PHTF2: variants seen among roughly 807,000 people sequenced by gnomAD.
The protein encoded by PHTF2 is protein PHTF2.
PHTF2 carries 60 observed loss-of-function variants against 101.2 expected under a neutral mutation model. The ratio of observed to expected loss-of-function variants is 0.59; its 90% CI spans 0.48 to 0.73. The LOEUF (loss-of-function observed/expected upper bound fraction) is 0.73, where lower values mean the gene tolerates loss of function less well. Ranked by LOEUF, PHTF2 falls within the 30% of genes least tolerant of loss-of-function variation. PHTF2 has a pLI of 0.00. For synonymous variants in PHTF2, 311 were observed against 307.3 expected, an observed-to-expected ratio of 1.01 and a Z score of -0.13; for missense variants, 747 against 908.7, an observed-to-expected ratio of 0.82 and a Z score of 2.29.
At chr7:77,903,768 C>T (rs1397743830) in intron 7 of PHTF2, among the ~76,000 whole-genome samples, 2 of 152,198 alleles carry the variant, frequency 1.3e-5, no homozygotes, top group African/African-American at 4.8e-5. Context: ...GGCAGGCTGC[C>T]ATTACCTTTG....
chr7:77,871,173 C>T (rs572288601), intron 3 of PHTF2, among the ~76,000 whole-genome samples: 20 of 152,130 alleles, frequency 1.3e-4, no homozygotes, highest in Non-Finnish European at 2.4e-4. Flanking sequence ...TGAATGGTCT[C>T]GGGGTCATTT....
intron 2 of PHTF2, among the ~76,000 whole-genome samples, chr7:77,848,753 G>A (rs1264616263): frequency 6.6e-6 from 1 of 152,046 alleles, no homozygotes; most frequent in African/African-American, 2.4e-5. Flanking sequence ...CCTGTGCTTT[G>A]GTAGTATTAC....
At chr7:77,804,351 G>A (rs1792803522) in intron 1 of PHTF2, among the ~76,000 whole-genome samples, 1 of 152,150 alleles carries the variant, frequency 6.6e-6, no homozygotes, top group Admixed American at 6.5e-5. Flanking sequence ...TTGATACGGA[G>A]TTTTGCTCTT....
chr7:77,837,401 C>T (rs180771788), intron 1 of PHTF2, among the ~76,000 whole-genome samples: 147 of 152,260 alleles, frequency 9.7e-4, no homozygotes, highest in African/African-American at 3.4e-3. Context: ...ATTATACCCA[C>T]GTGTAATTGG....
intron 1 of PHTF2, among the ~76,000 whole-genome samples, chr7:77,825,175 G>C (rs991724957): frequency 1.3e-5 from 2 of 151,824 alleles, no homozygotes; most frequent in African/African-American, 4.8e-5. Flanking sequence ...GAAATGGAAA[G>C]AAGCAGACAA....
At chr7:77,851,816 A>G (rs1796784987) in intron 2 of PHTF2, among the ~76,000 whole-genome samples, 1 of 151,802 alleles carries the variant, frequency 6.6e-6, no homozygotes, top group East Asian at 1.9e-4. Context: ...GAGTTTTTCA[A>G]CTTTTTTGAT....
Position 77,954,869 on chromosome 7 carries a change from TA to T in PHTF2, c.2351del (p.Lys784SerfsTer37). 1 of 1,517,726 alleles carries T rather than the reference TA, an allele frequency of 6.6e-7. No individual in the cohort carries two copies. The highest frequency in any genetic ancestry group is 9.0e-7 in the Non-Finnish European group (1 of 1,105,362). The allele number at this position is 1,517,726 out of a possible 1,614,324, so 94.0% of individuals were successfully genotyped here. A position where few individuals can be genotyped will look rare whatever the true frequency, so the allele number is the denominator to read the frequency against. On this transcript the variant is annotated frameshift_variant, in exon 20 of 20. Transcript: ENST00000416283. LOFTEE classifies it high-confidence loss of function. ...TTTTTTTTTTCTAGCTATGGAAGAT[TA>T]AGTCATGACAATTCAAAGAAAAGAA...
chr7:77,856,917 T>G (rs1405420), intron 3 of PHTF2, among the ~76,000 whole-genome samples: 88,767 of 151,984 alleles, frequency 0.58, 27,902 homozygotes, highest in African/African-American at 0.83. Flanking sequence ...AGGGATGACT[T>G]TATCACTCTT....
intron 1 of PHTF2, among the ~76,000 whole-genome samples, chr7:77,805,871 A>G (rs1302797890): frequency 3.9e-5 from 6 of 152,250 alleles, no homozygotes; most frequent in Non-Finnish European, 5.9e-5. Flanking sequence ...ATTGGATGGA[A>G]TAATTTATAA....
At chr7:77,954,869 T>A in exon 20 of PHTF2, 1 of 1,517,726 alleles carries the variant, frequency 6.6e-7, no homozygotes, top group Non-Finnish European at 9.0e-7. Flanking sequence ...TATGGAAGAT[T>A]AAGTCATGAC....
intron 3 of PHTF2, among the ~76,000 whole-genome samples, chr7:77,886,557 T>C (rs1799866468): frequency 6.6e-6 from 1 of 152,120 alleles, no homozygotes; most frequent in African/African-American, 2.4e-5. Flanking sequence ...CATATAAAAT[T>C]AGAGTAATGG....
At chr7:77,879,129 T>A (rs1799191680) in intron 3 of PHTF2, among the ~76,000 whole-genome samples, 5 of 152,240 alleles carry the variant, frequency 3.3e-5, no homozygotes, top group Admixed American at 2.0e-4. Flanking sequence ...TTACAGACAT[T>A]GGTCCTTTCA....
chr7:77,832,780 T>C (rs1795168783), intron 1 of PHTF2, among the ~76,000 whole-genome samples: 2 of 151,972 alleles, frequency 1.3e-5, no homozygotes, highest in African/African-American at 2.4e-5. Context: ...TTCTATGTTA[T>C]GGTGAGTTGT....
At chr7:77,931,284 TA>T (rs1381177695) in intron 12 of PHTF2, among the ~76,000 whole-genome samples, 1 of 152,212 alleles carries the variant, frequency 6.6e-6, no homozygotes, top group African/African-American at 2.4e-5. Flanking sequence ...TCTTAAGATT[TA>T]AAACTTTGGG....
exon 15 of PHTF2, chr7:77,940,560 A>G: frequency 6.2e-7 from 1 of 1,607,740 alleles, no homozygotes; most frequent in Non-Finnish European, 8.5e-7. Context: ...TTGGACATTT[A>G]ACATCTGCAA....
At chr7:77,815,867 C>T (rs141067374) in intron 1 of PHTF2, among the ~76,000 whole-genome samples, 120 of 152,256 alleles carry the variant, frequency 7.9e-4, no homozygotes, top group African/African-American at 2.8e-3. Context: ...TGTCTGCTGT[C>T]TCGGATCTGC....
At chr7:77,882,550 T>C (rs1799507417) in intron 3 of PHTF2, among the ~76,000 whole-genome samples, 1 of 152,156 alleles carries the variant, frequency 6.6e-6, no homozygotes, top group Non-Finnish European at 1.5e-5. Flanking sequence ...TATTCCATGG[T>C]TTAGACTTCT....
chr7:77,954,610 G>GTATATATATATA (rs1295236333), intron 19 of PHTF2, among the ~76,000 whole-genome samples: 10 of 82,526 alleles, frequency 1.2e-4, no homozygotes, highest in Non-Finnish European at 1.6e-4. Context: ...AACAAGTACT[G>GTATATATATATA]TGTATATATA....
chr7:77,845,627 G>A (rs1796214760), intron 2 of PHTF2, among the ~76,000 whole-genome samples: 1 of 152,174 alleles, frequency 6.6e-6, no homozygotes, highest in South Asian at 2.1e-4. Context: ...GTTCAGCCAT[G>A]TTAATGTGTG....
Sources: gnomAD v4.1 joint callset for allele counts (sites outside exome capture counted in the v4.1 genomes callset) on GRCh38, gnomAD v4.1.1 for gene constraint, MANE v1.5 for transcripts, NCBI Gene and HGNC (gene_info 2026-07-23, HGNC 2026-07-21) for gene names.